Variants in PTPRD observed in about 807,000 individuals in gnomAD.
The protein encoded by PTPRD is receptor-type tyrosine-protein phosphatase delta.
PTPRD carries 34 observed loss-of-function variants against 214.5 expected under a neutral mutation model. The ratio of observed to expected loss-of-function variants is 0.16; its 90% confidence interval spans 0.12 to 0.21. PTPRD has a LOEUF of 0.21. Ranked by LOEUF, PTPRD falls within the 10% of genes least tolerant of loss-of-function variation. The pLI, the probability that PTPRD is intolerant of heterozygous loss-of-function variation, is 1.00. For missense variants in PTPRD, 2,545 were observed against 2,398.7 expected, an observed-to-expected ratio of 1.06 and a Z score of -1.27; for synonymous variants, 1,128 against 845.7, an observed-to-expected ratio of 1.33 and a Z score of -5.79.
rs2135668188 is a variant in PTPRD, at chr9:8,389,394, A to G, written c.4224T>C (p.Ser1408=). Residue 1408 remains serine, a synonymous_variant, in exon 37 of 46, where the codon AGT becomes AGC. Transcript: ENST00000381196. Reference sequence around the variant, plus strand: ...CTATGTAGTTGGCATTCACATAGTCACTTCCTGGGATCCCTGGAAAACAAG... The same window carrying G: ...CTATGTAGTTGGCATTCACATAGTCGCTTCCTGGGATCCCTGGAAAACAAG... ...LLSAIEGIPG[S]DYVNANYIDG... 8.7e-6 allele frequency: 14 copies of G among 1,608,116 alleles called. No individual in the cohort carries two copies. Among genetic ancestry groups the G allele is most frequent in the Non-Finnish European group, 1.2e-5 (14 of 1,177,402 alleles).
chr9:8,600,728 G>A (rs373005309), intron 14 of PTPRD, among the ~76,000 whole-genome samples: 1 of 151,702 alleles, frequency 6.6e-6, no homozygotes, highest in Non-Finnish European at 1.5e-5. Context: ...ACTGACTAAA[G>A]AGCCCTTAGT....
chr9:8,566,785 A>G (rs2089420231), intron 14 of PTPRD, among the ~76,000 whole-genome samples: 1 of 152,212 alleles, frequency 6.6e-6, no homozygotes, highest in African/African-American at 2.4e-5. Context: ...GATTGTAAAC[A>G]TAGTTCCAGC....
intron 7 of PTPRD, among the ~76,000 whole-genome samples, chr9:9,605,871 A>C: frequency 6.6e-6 from 1 of 152,122 alleles, no homozygotes; most frequent in Non-Finnish European, 1.5e-5. Flanking sequence ...GGAACTTGTC[A>C]TAATGAGGCT....
At chr9:9,160,580 G>T (rs1188124989) in intron 10 of PTPRD, among the ~76,000 whole-genome samples, 5 of 152,110 alleles carry the variant, frequency 3.3e-5, no homozygotes, top group African/African-American at 1.2e-4. Context: ...TTTTGCTGGT[G>T]GAAATATAAA....
At chr9:9,093,806 A>G (rs946844225) in intron 10 of PTPRD, among the ~76,000 whole-genome samples, 18 of 151,880 alleles carry the variant, frequency 1.2e-4, no homozygotes, top group Non-Finnish European at 1.9e-4. Context: ...AGCAAGCAGA[A>G]GGAAGAAAAT....
intron 9 of PTPRD, among the ~76,000 whole-genome samples, chr9:9,246,487 C>A (rs2099973110): frequency 6.6e-6 from 1 of 152,048 alleles, no homozygotes; most frequent in Non-Finnish European, 1.5e-5. Context: ...CAGTTTGCTC[C>A]TTCCTGCCTC....
At position 8,694,227 on chromosome 9, in the gene PTPRD, T is replaced by C. The variant is rs984328323; in HGVS notation, c.64+39553A>G. Among the ~76,000 whole-genome samples the C allele has an allele frequency of 3.3e-5, 5 of 152,306 alleles. No homozygotes were observed. In the East Asian group the frequency reaches 9.6e-4, roughly 29 times the overall value. On this transcript the variant is annotated intron_variant, in intron 12 of 45. Coordinates refer to ENST00000381196, the MANE Select transcript of PTPRD (RefSeq NM_002839.4). ...TTTTCTGGGAATTATATAAATTACT[T>C]CTTTTGCCTCAAGAAGGAATGGGAG...
intron 10 of PTPRD, among the ~76,000 whole-genome samples, chr9:9,048,422 G>T (rs939580495): frequency 6.6e-6 from 1 of 152,104 alleles, no homozygotes; most frequent in African/African-American, 2.4e-5. Context: ...TCACCAGATG[G>T]ATGGATAAAT....
intron 2 of PTPRD, among the ~76,000 whole-genome samples, chr9:10,445,898 T>C (rs76245435): frequency 0.014 from 2,158 of 152,140 alleles, 39 homozygotes; most frequent in African/African-American, 0.046. Flanking sequence ...AAAGATATGT[T>C]GAATAAGTGG....
intron 26 of PTPRD, among the ~76,000 whole-genome samples, chr9:8,494,497 C>G (rs552282233): frequency 6.6e-6 from 1 of 152,280 alleles, no homozygotes; most frequent in East Asian, 1.9e-4. Flanking sequence ...CACTGGCTAT[C>G]CCAAAAACTA....
At chr9:8,648,690 C>T (rs1596037397) in intron 12 of PTPRD, among the ~76,000 whole-genome samples, 2 of 152,206 alleles carry the variant, frequency 1.3e-5, no homozygotes, top group African/African-American at 4.8e-5. Context: ...GCATTACATA[C>T]AATCTCCCAG....
At chr9:9,960,597 G>C (rs2094294469) in intron 4 of PTPRD, among the ~76,000 whole-genome samples, 1 of 152,022 alleles carries the variant, frequency 6.6e-6, no homozygotes, top group African/African-American at 2.4e-5. Flanking sequence ...AATGGTACTT[G>C]ACCTCTGTGG....
At chr9:9,197,272 C>T (rs1053396805) in intron 9 of PTPRD, among the ~76,000 whole-genome samples, 2 of 152,068 alleles carry the variant, frequency 1.3e-5, no homozygotes, top group Non-Finnish European at 2.9e-5. Flanking sequence ...CCTATCACTC[C>T]CTTACTAAAG....
At chr9:10,479,934 G>C (rs1168858365) in intron 2 of PTPRD, among the ~76,000 whole-genome samples, 1 of 152,020 alleles carries the variant, frequency 6.6e-6, no homozygotes, top group Non-Finnish European at 1.5e-5. Context: ...AGAAAATCCG[G>C]GGTCTTAAAA....
chr9:10,108,961 C>T (rs1417846359), intron 3 of PTPRD, among the ~76,000 whole-genome samples: 2 of 151,894 alleles, frequency 1.3e-5, no homozygotes, highest in Non-Finnish European at 2.9e-5. Context: ...GATTCCCTCG[C>T]TTGAAAACCT....
At chr9:10,271,773 C>T (rs1233305609) in intron 3 of PTPRD, among the ~76,000 whole-genome samples, 1 of 151,992 alleles carries the variant, frequency 6.6e-6, no homozygotes, top group Non-Finnish European at 1.5e-5. Context: ...GAACTCCTGA[C>T]CTCAGGTGAT....
chr9:9,746,093 TA>T (rs1240804724), intron 6 of PTPRD, among the ~76,000 whole-genome samples: 2 of 152,092 alleles, frequency 1.3e-5, no homozygotes, highest in Admixed American at 1.3e-4. Flanking sequence ...CTGCAATGCT[TA>T]AAAAAGTTTA....
chr9:10,052,480 A>T (rs1031837304), intron 3 of PTPRD, among the ~76,000 whole-genome samples: 6 of 152,190 alleles, frequency 3.9e-5, no homozygotes, highest in African/African-American at 1.4e-4. Context: ...AGGTAAAATC[A>T]GGCCAAGCTA....
chr9:8,476,598 T>A (rs150360704), intron 30 of PTPRD, among the ~76,000 whole-genome samples: 2 of 152,344 alleles, frequency 1.3e-5, no homozygotes, highest in East Asian at 3.9e-4. Context: ...TGATTTTTTT[T>A]AAACCTATTA....
Sources: gnomAD v4.1 joint callset for allele counts (sites outside exome capture counted in the v4.1 genomes callset) on GRCh38, gnomAD v4.1.1 for gene constraint, MANE v1.5 for transcripts, NCBI Gene and HGNC (gene_info 2026-07-23, HGNC 2026-07-21) for gene names.